The following PTPRT variants were observed in gnomAD, a reference collection of about 807,000 sequenced individuals.
PTPRT encodes receptor-type tyrosine-protein phosphatase T.
Under a neutral mutation model 176.8 loss-of-function variants are expected in PTPRT, and 56 were observed. The ratio of observed to expected loss-of-function variants is 0.32; its 90% CI spans 0.26 to 0.40. PTPRT has a LOEUF of 0.40. PTPRT is among the 10% of genes least tolerant of loss of function. PTPRT has a pLI of 1.00. For synonymous variants in PTPRT, 783 were observed against 739.0 expected (o/e 1.06, Z -0.96); for missense variants, 1,540 against 1,908.2 (o/e 0.81, Z 3.60).
At chr20:42,150,392 C>T (rs114487217) in intron 17 of PTPRT, among the ~76,000 whole-genome samples, 1,568 of 152,258 alleles carry the variant, frequency 0.01, 28 homozygotes, top group African/African-American at 0.036. Context: ...GGCCAGGGAT[C>T]GCTGATGAGG....
At chr20:42,828,552 C>T in intron 2 of PTPRT, among the ~76,000 whole-genome samples, 1 of 152,084 alleles carries the variant, frequency 6.6e-6, no homozygotes, top group East Asian at 1.9e-4. Context: ...GTAGCCCCTC[C>T]CCCAGAGGAC....
At chr20:43,060,758 T>C (rs1369838621) in intron 1 of PTPRT, among the ~76,000 whole-genome samples, 2 of 152,176 alleles carry the variant, frequency 1.3e-5, no homozygotes, top group African/African-American at 2.4e-5. Flanking sequence ...ACACAAAATG[T>C]TGCACACTGT....
At chr20:42,667,483 C>T (rs1198369415) in intron 7 of PTPRT, among the ~76,000 whole-genome samples, 2 of 152,180 alleles carry the variant, frequency 1.3e-5, no homozygotes, top group Non-Finnish European at 2.9e-5. Context: ...TCAAGTGTGA[C>T]AGAGCTGTAA....
At chr20:42,386,185 A>G (rs547193808) in intron 9 of PTPRT, among the ~76,000 whole-genome samples, 2 of 152,324 alleles carry the variant, frequency 1.3e-5, no homozygotes, top group Admixed American at 1.3e-4. Flanking sequence ...TGTAAAAGGT[A>G]AGGTCTAAGA....
intron 1 of PTPRT, among the ~76,000 whole-genome samples, chr20:42,959,031 C>T (rs1010503479): frequency 3.3e-5 from 5 of 152,208 alleles, no homozygotes; most frequent in African/African-American, 1.2e-4. Flanking sequence ...ACTCATTTCT[C>T]AACTATTCTT....
At chr20:43,034,124 T>C (rs995812733) in intron 1 of PTPRT, among the ~76,000 whole-genome samples, 4 of 152,242 alleles carry the variant, frequency 2.6e-5, no homozygotes, top group African/African-American at 9.6e-5. Flanking sequence ...TGTTCCATTC[T>C]AGAAGAAATC....
chr20:42,096,178 T>G (rs1422393559), intron 27 of PTPRT, among the ~76,000 whole-genome samples: 3 of 152,240 alleles, frequency 2.0e-5, no homozygotes, highest in African/African-American at 7.2e-5. Context: ...TCTACACATT[T>G]GCAACATTCT....
Position 42,379,241 on chromosome 20 carries a change from A to T in PTPRT, c.1561-26956T>A, listed in dbSNP as rs908203420. Among the ~76,000 whole-genome samples the T allele has an allele frequency of 2.6e-5, 4 of 152,182 alleles. No homozygotes were observed. The South Asian group carries it at 8.3e-4, about 31-fold the overall frequency. ...ACTTCCAATTTTCTACAACTGGCCA[A>T]CACCTGGTCATTACTCAAGTCCCGG... On this transcript the variant is annotated intron_variant, in intron 9 of 30. Coordinates refer to ENST00000373187, the MANE Select transcript of PTPRT (RefSeq NM_007050.6).
intron 7 of PTPRT, among the ~76,000 whole-genome samples, chr20:42,496,251 G>A (rs577541030): frequency 6.6e-6 from 1 of 152,202 alleles, no homozygotes; most frequent in South Asian, 2.1e-4. Context: ...AGGTGAGGCA[G>A]GAGAGGCAGG....
chr20:42,415,693 A>C (rs993375179), intron 9 of PTPRT, among the ~76,000 whole-genome samples: 1 of 152,246 alleles, frequency 6.6e-6, no homozygotes, highest in African/African-American at 2.4e-5. Context: ...ACATACCTGC[A>C]TACATATATG....
chr20:42,482,403 G>A (rs2071402842), intron 7 of PTPRT, among the ~76,000 whole-genome samples: 1 of 152,128 alleles, frequency 6.6e-6, no homozygotes, highest in Non-Finnish European at 1.5e-5. Context: ...ATAACAACTA[G>A]GGCAGTTGTA....
intron 2 of PTPRT, among the ~76,000 whole-genome samples, chr20:42,803,822 G>A (rs990768126): frequency 2.0e-5 from 3 of 152,180 alleles, no homozygotes; most frequent in Admixed American, 2.0e-4. Context: ...CCAAAGTGCT[G>A]GGATTACAGG....
At chr20:42,598,694 G>GA (rs113294204) in intron 7 of PTPRT, among the ~76,000 whole-genome samples, 65 of 149,120 alleles carry the variant, frequency 4.4e-4, no homozygotes, top group African/African-American at 1.2e-3. Context: ...CATACATAGG[G>GA]AAAAAAAAAA....
At chr20:42,769,078 G>C (rs891010965) in intron 5 of PTPRT, among the ~76,000 whole-genome samples, 2 of 152,232 alleles carry the variant, frequency 1.3e-5, no homozygotes, top group Admixed American at 6.5e-5. Context: ...GTAATGAAAA[G>C]AGTAAATAAC....
intron 7 of PTPRT, among the ~76,000 whole-genome samples, chr20:42,610,374 G>T (rs867363787): frequency 4.1e-4 from 54 of 132,592 alleles, no homozygotes; most frequent in East Asian, 4.1e-4. Flanking sequence ...GGGTTTACTT[G>T]TTTTGTTTTT....
At chr20:42,230,079 G>A (rs371412877) in intron 15 of PTPRT, among the ~76,000 whole-genome samples, 2 of 152,150 alleles carry the variant, frequency 1.3e-5, no homozygotes, top group African/African-American at 2.4e-5. Flanking sequence ...AGAGAAAGGC[G>A]CCATTCCCAC....
At chr20:42,196,654 T>TCAATGA (rs1991228531) in intron 16 of PTPRT, among the ~76,000 whole-genome samples, 1 of 152,152 alleles carries the variant, frequency 6.6e-6, no homozygotes, top group African/African-American at 2.4e-5. Flanking sequence ...TAAGGAAAAA[T>TCAATGA]CAAGCCCATT....
intron 1 of PTPRT, among the ~76,000 whole-genome samples, chr20:42,998,817 C>A (rs1442886933): frequency 6.6e-6 from 1 of 152,136 alleles, no homozygotes; most frequent in Non-Finnish European, 1.5e-5. Context: ...GAGTGACTTG[C>A]CCACTGTCAT....
rs1325685899 is a variant in PTPRT at position 43,155,194 on chromosome 20, T to G, written c.88+34452A>C. On this transcript the variant is annotated intron_variant, in intron 1 of 30. Coordinates refer to ENST00000373187, the MANE Select transcript of PTPRT (RefSeq NM_007050.6). ...CCATATGATCCAGCAATCTCACTTC[T>G]GGGTATATATCCAAAGGAAATAAAA... 3.3e-5 allele frequency among the ~76,000 whole-genome samples: 5 copies of G among 152,228 alleles called. No homozygotes were observed. The East Asian group carries it at 9.6e-4, about 29-fold the overall frequency.
Sources: gnomAD v4.1 joint callset for allele counts (sites outside exome capture counted in the v4.1 genomes callset) on GRCh38, gnomAD v4.1.1 for gene constraint, MANE v1.5 for transcripts, NCBI Gene and HGNC (gene_info 2026-07-23, HGNC 2026-07-21) for gene names.